Variants in HACE1 observed in about 807,000 individuals in gnomAD.
HACE1 encodes E3 ubiquitin-protein ligase HACE1.
HACE1 carries 73 observed loss-of-function variants against 118.4 expected under a neutral mutation model. The ratio of observed to expected loss-of-function variants is 0.62; its 90% CI spans 0.51 to 0.75. HACE1 has a LOEUF of 0.75. Among genes scored for constraint, HACE1 ranks in the 30% least tolerant of loss-of-function variants. HACE1 has a pLI of 0.00. For synonymous variants in HACE1, 368 were observed against 374.8 expected, an observed-to-expected ratio of 0.98 and a Z score of 0.21; for missense variants, 749 against 1,102.2, an observed-to-expected ratio of 0.68 and a Z score of 4.54.
At chr6:104,834,940 A>G (rs1381779803) in intron 5 of HACE1, among the ~76,000 whole-genome samples, 1 of 152,236 alleles carries the variant, frequency 6.6e-6, no homozygotes, top group African/African-American at 2.4e-5. Flanking sequence ...AGGCTTGAAA[A>G]CAGTCTCTAG....
chr6:104,744,270 C>G (rs1777165165), intron 21 of HACE1, 40 bp from the exon 22 acceptor site: 1 of 1,193,542 alleles, frequency 8.4e-7, no homozygotes, highest in South Asian at 1.2e-5. Flanking sequence ...TATTTCAGAG[C>G]AATTGTAGAC....
At chr6:104,767,203 A>G (rs1171253121) in intron 19 of HACE1, among the ~76,000 whole-genome samples, 1 of 152,204 alleles carries the variant, frequency 6.6e-6, no homozygotes, top group Non-Finnish European at 1.5e-5. Flanking sequence ...TATCACTAAA[A>G]AACAGAATTA....
chr6:104,792,041 A>G (rs1463083652), intron 10 of HACE1, among the ~76,000 whole-genome samples: 1 of 152,192 alleles, frequency 6.6e-6, no homozygotes, highest in African/African-American at 2.4e-5. Flanking sequence ...GCAATGGTAT[A>G]AATCATCATA....
intron 6 of HACE1, among the ~76,000 whole-genome samples, chr6:104,832,079 T>C (rs1024571757): frequency 4.6e-5 from 7 of 152,138 alleles, no homozygotes; most frequent in South Asian, 2.1e-4. Context: ...ACTTGTACCA[T>C]ACACAATGCA....
chr6:104,803,597 G>C (rs1770646298), intron 7 of HACE1, among the ~76,000 whole-genome samples: 1 of 152,096 alleles, frequency 6.6e-6, no homozygotes, highest in Non-Finnish European at 1.5e-5. Flanking sequence ...CACATAAAAA[G>C]AACCAACGGC....
In HACE1 at chr6:104,729,058, C is replaced by G. The variant is rs1774932097; in HGVS notation, c.*604G>C. On this transcript the variant is annotated 3_prime_UTR_variant, in exon 24 of 24. Transcript: ENST00000262903. ...ATTCATACAATATAGCGTAAGCTTT[C>G]ATATATAAATTATATGTCATTTCAT... 1 of 152,454 alleles carries G rather than the reference C, an allele frequency of 6.6e-6. No homozygotes were observed. Among genetic ancestry groups the G allele is most frequent in the African/African-American group, 2.4e-5 (1 of 41,404 alleles). 9.4% of individuals were successfully genotyped at this position (152,454 alleles called of 1,614,324 possible).
At chr6:104,838,744 T>C (rs1296653031) in intron 5 of HACE1, among the ~76,000 whole-genome samples, 2 of 151,424 alleles carry the variant, frequency 1.3e-5, no homozygotes, top group Non-Finnish European at 2.9e-5. Flanking sequence ...ATAGGATCAC[T>C]TCAAGTTAAA....
chr6:104,857,824 G>A (rs1218495932), intron 1 of HACE1, among the ~76,000 whole-genome samples: 1 of 152,060 alleles, frequency 6.6e-6, no homozygotes, highest in Non-Finnish European at 1.5e-5. Flanking sequence ...GGGCCTGGTG[G>A]CAGGGGCCTG....
At chr6:104,747,471 G>A (rs977972505) in intron 20 of HACE1, among the ~76,000 whole-genome samples, 4 of 151,932 alleles carry the variant, frequency 2.6e-5, no homozygotes, top group Admixed American at 6.6e-5. Context: ...TAGTTTAGAC[G>A]TTTGTACCAA....
At chr6:104,751,949 AC>A in intron 19 of HACE1, among the ~76,000 whole-genome samples, 2 of 129,484 alleles carry the variant, frequency 1.5e-5, no homozygotes, top group African/African-American at 3.2e-5. Context: ...AACAAAAAAA[AC>A]CAAACAAAAA....
chr6:104,786,329 A>T (rs1782387384), intron 11 of HACE1: 1 of 148,028 alleles, frequency 6.8e-6, no homozygotes. Flanking sequence ...TGACAGGGCG[A>T]GACTCCATCT....
chr6:104,809,713 C>G (rs1490060428), intron 7 of HACE1, among the ~76,000 whole-genome samples: 1 of 137,756 alleles, frequency 7.3e-6, no homozygotes, highest in Non-Finnish European at 1.5e-5. Flanking sequence ...TGGAGGGAAA[C>G]AACATAGGAA....
chr6:104,814,809 C>G (rs904718508), intron 6 of HACE1, among the ~76,000 whole-genome samples: 2 of 137,726 alleles, frequency 1.5e-5, no homozygotes, highest in Non-Finnish European at 3.1e-5. Flanking sequence ...CTTTCTCCCT[C>G]TCTCCTGCCA....
rs1177876499 is a variant in HACE1 at position 104,811,242 on chromosome 6, T to TATATA, written c.617+68_617+69insTATAT. ...TCTGGAAATATATATATTTCTTTAT[T>TATATA]TATACATATATATATATATATATAT... On this transcript the variant is annotated intron_variant, in intron 7 of 23. Coordinates refer to ENST00000262903, the MANE Select transcript of HACE1 (RefSeq NM_020771.4). 5.6e-3 allele frequency: 1,078 copies of TATATA among 192,340 alleles called. 25 individuals are homozygous for TATATA. Among genetic ancestry groups the TATATA allele is most frequent in the African/African-American group, 0.026 (686 of 26,670 alleles). The allele number at this position is 192,340 out of a possible 1,614,324, so 11.9% of individuals were successfully genotyped here.
rs1010324072 is a variant in HACE1, at chr6:104,813,850, G to A, written c.535-2457C>T. ...AACTCAGAATAACAAAGACAGTAAA[G>A]GGAACCAAAGAAAACAACAAAAATT... On this transcript the variant is annotated intron_variant, in intron 6 of 23. Coordinates refer to ENST00000262903, the MANE Select transcript of HACE1 (RefSeq NM_020771.4). 2.2e-5 allele frequency among the ~76,000 whole-genome samples: 3 copies of A among 137,460 alleles called. 1 individual carries two copies. The highest frequency in any genetic ancestry group is 4.7e-5 in the Non-Finnish European group (3 of 64,154). The allele number at this position is 137,460 out of a possible 152,430, so 90.2% of individuals were successfully genotyped here. A position where few individuals can be genotyped will look rare whatever the true frequency, so the allele number is the denominator to read the frequency against.
In HACE1 at chr6:104,729,544, G is replaced by A; in HGVS notation, c.*118C>T. 2 of 716,136 alleles carry A rather than the reference G, an allele frequency of 2.8e-6. No individual in the cohort carries two copies. The highest frequency in any genetic ancestry group is 5.2e-6 in the Non-Finnish European group (2 of 388,066). 44.4% of individuals were successfully genotyped at this position (716,136 alleles called of 1,614,324 possible). A position where few individuals can be genotyped will look rare whatever the true frequency, so the allele number is the denominator to read the frequency against. On this transcript the variant is annotated 3_prime_UTR_variant, in exon 24 of 24. Coordinates refer to ENST00000262903, the MANE Select transcript of HACE1 (RefSeq NM_020771.4). ...AAAACCTGATGATCCTTTATAAATT[G>A]GAAGCATCAGCCCTGCCTATGGGTT...
intron 20 of HACE1, among the ~76,000 whole-genome samples, chr6:104,746,765 T>C (rs1280869897): frequency 3.3e-5 from 5 of 152,214 alleles, no homozygotes; most frequent in Admixed American, 6.5e-5. Context: ...CTGGAGAAAT[T>C]CTGTTCCCTG....
intron 6 of HACE1, among the ~76,000 whole-genome samples, chr6:104,825,958 A>T (rs1773287984): frequency 6.6e-6 from 1 of 152,194 alleles, no homozygotes; most frequent in South Asian, 2.1e-4. Flanking sequence ...ACTCTAAATC[A>T]GGAACCAGGC....
intron 4 of HACE1, among the ~76,000 whole-genome samples, 195 bp downstream of exon 4, chr6:104,848,947 C>T (rs1775915942): frequency 6.6e-6 from 1 of 151,800 alleles, no homozygotes; most frequent in South Asian, 2.1e-4. Context: ...GACCCCAGAT[C>T]CACTATAAAG....
Sources: gnomAD v4.1 joint callset for allele counts (sites outside exome capture counted in the v4.1 genomes callset) on GRCh38, gnomAD v4.1.1 for gene constraint, MANE v1.5 for transcripts, NCBI Gene and HGNC (gene_info 2026-07-23, HGNC 2026-07-21) for gene names.